ZBTB40: variants seen among roughly 807,000 people sequenced by gnomAD.
The protein encoded by ZBTB40 is zinc finger and BTB domain containing 40.
ZBTB40 carries 60 observed loss-of-function variants against 117.5 expected under a neutral mutation model. That is an observed-to-expected ratio of 0.51 (90% confidence interval 0.41 to 0.63). The LOEUF is 0.63. ZBTB40 is among the 30% of genes least tolerant of loss of function. The probability of loss-of-function intolerance (pLI) is 0.00; values close to 1 mark genes in which losing one functional copy is unlikely to be tolerated. For synonymous variants in ZBTB40, 525 were observed against 577.1 expected (o/e 0.91, Z 1.29); for missense variants, 1,287 against 1,498.5 (o/e 0.86, Z 2.33).
intron 1 of ZBTB40, among the ~76,000 whole-genome samples, chr1:22,440,547 G>C (rs929060679): frequency 3.3e-5 from 5 of 152,166 alleles, no homozygotes; most frequent in African/African-American, 1.2e-4. Context: ...TCCTTGTCTT[G>C]TTCCTGATCC....
In ZBTB40 at chr1:22,490,214, A is replaced by G. The variant is rs1638587682; in HGVS notation, c.266A>G (p.Asn89Ser). 16 of 1,614,066 alleles carry G rather than the reference A, an allele frequency of 9.9e-6. No individual in the cohort carries two copies. Among genetic ancestry groups the G allele is most frequent in the African/African-American group, 1.3e-5 (1 of 74,936 alleles). Residue 89 changes from asparagine (N) to serine (S), a missense_variant, in exon 2 of 18, where the codon AAC becomes AGC. By Grantham distance (46) the Asn-to-Ser change is conservative. This residue lies in a region of ZBTB40 where 870 missense variants were observed against 934.4 expected (regional missense o/e 0.93). Transcript: ENST00000375647. ...GGCAAACTACCTGTGGGCAAGCACA[A>G]CTTCTCCAAAATCATCTCCTTAGCA... ...YTGKLPVGKH[N>S]FSKIISLADS... is the part of the protein sequence containing the mutation.
chr1:22,494,757 C>G (rs972707237), intron 3 of ZBTB40, among the ~76,000 whole-genome samples: 1 of 152,180 alleles, frequency 6.6e-6, no homozygotes, highest in Admixed American at 6.5e-5. Flanking sequence ...GAGCCGCTTG[C>G]TAGGCAGAGA....
At position 22,526,811 on chromosome 1, in the gene ZBTB40, T is replaced by C. The variant is rs1403400632; in HGVS notation, c.*415T>C. On this transcript the variant is annotated 3_prime_UTR_variant, in exon 18 of 18. Transcript: ENST00000375647. ...GTTAGATATGGGACTTGGCCCACAG[T>C]GGGGGCTGCAAATGCTGCCACTGCC... The C allele has an allele frequency of 3.5e-6, 1 of 289,502 alleles. No homozygotes were observed. The highest frequency in any genetic ancestry group is 4.7e-5 in the Admixed American group (1 of 21,374). The allele number at this position is 289,502 out of a possible 1,614,324, so 17.9% of individuals were successfully genotyped here.
At chr1:22,498,289 C>T (rs369315074) in intron 3 of ZBTB40, among the ~76,000 whole-genome samples, 12 of 152,294 alleles carry the variant, frequency 7.9e-5, no homozygotes, top group African/African-American at 2.6e-4. Flanking sequence ...TTTTGGAGTT[C>T]TGTTACATGA....
chr1:22,466,118 A>G (rs1159069986), intron 1 of ZBTB40, among the ~76,000 whole-genome samples: 1 of 152,224 alleles, frequency 6.6e-6, no homozygotes, highest in Admixed American at 6.5e-5. Context: ...TATGAATGGA[A>G]TCATATACAG....
chr1:22,433,961 A>T (rs559405604), intron 1 of ZBTB40, among the ~76,000 whole-genome samples: 1 of 152,178 alleles, frequency 6.6e-6, no homozygotes, highest in Admixed American at 6.5e-5. Context: ...TTTAGTACAC[A>T]TGCAGGTATG....
rs566499930 is a variant in ZBTB40 at position 22,489,686 on chromosome 1, C to A, written c.-69-194C>A. On this transcript the variant is annotated intron_variant, in intron 1 of 17. Coordinates refer to ENST00000375647, the MANE Select transcript of ZBTB40 (RefSeq NM_014870.4). Reference sequence around the variant, plus strand: ...GTCCATACAAAGCATTATGCACAGTCTCTTTCATATATTTAAACACATAAT... The same window carrying A: ...GTCCATACAAAGCATTATGCACAGTATCTTTCATATATTTAAACACATAAT... Among the ~76,000 whole-genome samples, 114 of 152,280 alleles carry A rather than the reference C, an allele frequency of 7.5e-4. 1 individual carries two copies. The highest frequency in any genetic ancestry group is 2.6e-3 in the African/African-American group (110 of 41,556).
At chr1:22,512,785 C>T (rs1176587402) in intron 11 of ZBTB40, 139 bp from the exon 12 acceptor site, 18 of 921,058 alleles carry the variant, frequency 2.0e-5, no homozygotes, top group Admixed American at 7.9e-5. Context: ...TGGGTACCAG[C>T]GTGGCCTGGC....
In ZBTB40 at chr1:22,490,012, C is replaced by T. The variant is rs751958157; in HGVS notation, c.64C>T (p.Gln22Ter). Reference sequence around the variant, plus strand: ...GCTGTACACTCTGTGCAAGGAGCAGCAGTTCTGTGATTGCACCATCTCCAT... The same window carrying T: ...GCTGTACACTCTGTGCAAGGAGCAGTAGTTCTGTGATTGCACCATCTCCAT... ...QQLYTLCKEQ[Q>*]FCDCTISIGT... Residue 22 changes from glutamine to a stop codon, truncating the protein, a stop_gained, in exon 2 of 18, where the codon CAG becomes TAG. Coordinates refer to ENST00000375647, the MANE Select transcript of ZBTB40 (RefSeq NM_014870.4). LOFTEE classifies it high-confidence loss of function. 2 of 1,613,910 alleles carry T rather than the reference C, an allele frequency of 1.2e-6. No homozygotes were observed. The highest frequency in any genetic ancestry group is 1.1e-5 in the South Asian group (1 of 91,076).
chr1:22,497,685 G>A (rs1638815983), intron 3 of ZBTB40, among the ~76,000 whole-genome samples: 1 of 152,154 alleles, frequency 6.6e-6, no homozygotes, highest in East Asian at 1.9e-4. Flanking sequence ...ATTGATTCTG[G>A]TAAGTCTAAT....
intron 1 of ZBTB40, among the ~76,000 whole-genome samples, chr1:22,437,768 A>G (rs561417087): frequency 9.2e-5 from 14 of 152,122 alleles, no homozygotes; most frequent in African/African-American, 3.1e-4. Context: ...GTGTTACGAA[A>G]TACAATCATA....
At chr1:22,500,187 C>T (rs1638888605) in intron 3 of ZBTB40, among the ~76,000 whole-genome samples, 1 of 152,100 alleles carries the variant, frequency 6.6e-6, no homozygotes, top group Non-Finnish European at 1.5e-5. Flanking sequence ...CTCGCATTTG[C>T]GTGAGAGATG....
At chr1:22,438,423 C>T (rs1640696624) in intron 1 of ZBTB40, among the ~76,000 whole-genome samples, 1 of 152,140 alleles carries the variant, frequency 6.6e-6, no homozygotes, top group African/African-American at 2.4e-5. Flanking sequence ...ATTCATCAGT[C>T]AATGGACACT....
intron 4 of ZBTB40, among the ~76,000 whole-genome samples, chr1:22,501,948 C>T (rs1041824800): frequency 2.0e-5 from 3 of 152,152 alleles, no homozygotes; most frequent in African/African-American, 7.2e-5. Context: ...GCCACACATC[C>T]AAATCAATGA....
At chr1:22,482,940 G>T (rs1444465731) in intron 1 of ZBTB40, among the ~76,000 whole-genome samples, 1 of 152,064 alleles carries the variant, frequency 6.6e-6, no homozygotes, top group Admixed American at 6.6e-5. Flanking sequence ...TTAGCCAGGC[G>T]TGGTGGCGGG....
At chr1:22,522,704 A>G (rs1639564955) in intron 16 of ZBTB40, among the ~76,000 whole-genome samples, 1 of 152,180 alleles carries the variant, frequency 6.6e-6, no homozygotes, top group Non-Finnish European at 1.5e-5. Context: ...TGCTATACTC[A>G]TCAAATCTAA....
chr1:22,520,948 G>A (rs759132683), intron 14 of ZBTB40, among the ~76,000 whole-genome samples: 58 of 152,250 alleles, frequency 3.8e-4, no homozygotes, highest in Admixed American at 2.4e-3. Flanking sequence ...CTAGGATGGC[G>A]TGGAATGGTA....
At chr1:22,493,976 G>T (rs1411883668) in intron 3 of ZBTB40, among the ~76,000 whole-genome samples, 1 of 151,930 alleles carries the variant, frequency 6.6e-6, no homozygotes, top group Non-Finnish European at 1.5e-5. Flanking sequence ...ATAAGCCTCA[G>T]TGTCCTCGTT....
chr1:22,498,750 G>A (rs1638846708), intron 3 of ZBTB40, among the ~76,000 whole-genome samples: 1 of 149,902 alleles, frequency 6.7e-6, no homozygotes, highest in African/African-American at 2.5e-5. Context: ...TGGATACTGA[G>A]AGATGTGGAT....
Sources: gnomAD v4.1 joint callset for allele counts (sites outside exome capture counted in the v4.1 genomes callset) on GRCh38, gnomAD v4.1.1 for gene constraint, gnomAD v4.1.1 regional missense constraint, MANE v1.5 for transcripts, NCBI Gene and HGNC (gene_info 2026-07-23, HGNC 2026-07-21) for gene names.